The following FGF14 variants were observed in gnomAD, a reference collection of about 807,000 sequenced individuals.
FGF14 encodes the protein fibroblast growth factor homologous factor 4.
Under a neutral mutation model 25.5 loss-of-function variants are expected in FGF14, and 5 were observed. That is an observed-to-expected ratio of 0.20 (90% confidence interval 0.10 to 0.41). FGF14 has a LOEUF of 0.41. FGF14 is among the 10% of genes least tolerant of loss of function. The pLI is 1.00. For synonymous variants in FGF14, 138 were observed against 118.3 expected (o/e 1.17, Z -1.08); for missense variants, 222 against 320.1 (o/e 0.69, Z 2.34).
In FGF14 at chr13:101,714,610, C is replaced by T; in HGVS notation, c.*8221G>A. The T allele has an allele frequency of 2.0e-6, 2 of 1,014,300 alleles. No individual in the cohort carries two copies. The highest frequency in any genetic ancestry group is 3.2e-6 in the Non-Finnish European group (2 of 634,180). The allele number at this position is 1,014,300 out of a possible 1,614,324, so 62.8% of individuals were successfully genotyped here. A position where few individuals can be genotyped will look rare whatever the true frequency, so the allele number is the denominator to read the frequency against. ...CACAGTTTGTTATAGAGCCAAGAGACACTCGTCATGCAATGCTTTAGGTGG... is the reference window on the plus strand; with the variant it reads ...CACAGTTTGTTATAGAGCCAAGAGATACTCGTCATGCAATGCTTTAGGTGG... On this transcript the variant is annotated 3_prime_UTR_variant, in exon 5 of 5. Coordinates refer to ENST00000376143, the MANE Select transcript of FGF14 (RefSeq NM_004115.4).
intron 3 of FGF14, among the ~76,000 whole-genome samples, chr13:101,732,535 A>AT (rs1356045315): frequency 1.3e-5 from 2 of 152,304 alleles, no homozygotes; most frequent in East Asian, 1.9e-4. Context: ...AATGACCCTC[A>AT]TCCTGGACTC....
At chr13:102,277,120 AT>A (rs1266580913) in intron 1 of FGF14, among the ~76,000 whole-genome samples, 1 of 152,232 alleles carries the variant, frequency 6.6e-6, no homozygotes, top group African/African-American at 2.4e-5. Context: ...AATATGGCCA[AT>A]TTTACCCACC....
chr13:101,766,694 TAA>T (rs2038420526), intron 3 of FGF14, among the ~76,000 whole-genome samples: 1 of 152,168 alleles, frequency 6.6e-6, no homozygotes, highest in Non-Finnish European at 1.5e-5. Flanking sequence ...TGTAATTAGT[TAA>T]GTTTACTTTA....
At chr13:102,263,182 C>T (rs1413586464) in intron 1 of FGF14, 1 of 561,548 alleles carries the variant, frequency 1.8e-6, no homozygotes, top group Non-Finnish European at 3.5e-6. Context: ...GTCTTTTAAC[C>T]CTAAAAGTCT....
At chr13:102,329,173 T>C (rs1318924483) in intron 1 of FGF14, among the ~76,000 whole-genome samples, 3 of 152,180 alleles carry the variant, frequency 2.0e-5, no homozygotes, top group Non-Finnish European at 1.5e-5. Flanking sequence ...TCAAAGCTCA[T>C]GGCTACTAGT....
At chr13:102,069,549 C>A (rs770409776) in intron 1 of FGF14, among the ~76,000 whole-genome samples, 1 of 152,024 alleles carries the variant, frequency 6.6e-6, no homozygotes, top group Non-Finnish European at 1.5e-5. Flanking sequence ...CCAGGAAGAT[C>A]TGCAGCTTCA....
At chr13:101,839,674 G>A (rs1350863540) in intron 3 of FGF14, among the ~76,000 whole-genome samples, 1 of 151,970 alleles carries the variant, frequency 6.6e-6, no homozygotes, top group Non-Finnish European at 1.5e-5. Context: ...TATTGATTAT[G>A]TCTATGGTGT....
chr13:102,150,194 GATT>G (rs2047021870), intron 1 of FGF14, among the ~76,000 whole-genome samples: 1 of 152,112 alleles, frequency 6.6e-6, no homozygotes, highest in Admixed American at 6.5e-5. Context: ...CGACCTCAGA[GATT>G]ATCAGTAAAG....
chr13:101,770,930 T>C (rs1389350993), intron 3 of FGF14, among the ~76,000 whole-genome samples: 2 of 152,010 alleles, frequency 1.3e-5, no homozygotes, highest in African/African-American at 2.4e-5. Context: ...AATGCACAGA[T>C]TTAAAACTAT....
At chr13:102,282,479 A>G (rs1203365541) in intron 1 of FGF14, among the ~76,000 whole-genome samples, 2 of 152,166 alleles carry the variant, frequency 1.3e-5, no homozygotes, top group Non-Finnish European at 2.9e-5. Flanking sequence ...TTTCTTTCCA[A>G]TGAAATATAT....
intron 1 of FGF14, among the ~76,000 whole-genome samples, chr13:102,065,870 C>G (rs2042883485): frequency 6.6e-6 from 1 of 151,802 alleles, no homozygotes; most frequent in African/African-American, 2.4e-5. Context: ...AGGAATTTAC[C>G]AAGTTATCAA....
At chr13:101,759,282 AG>A (rs1203932091) in intron 3 of FGF14, among the ~76,000 whole-genome samples, 3 of 152,080 alleles carry the variant, frequency 2.0e-5, no homozygotes, top group African/African-American at 7.2e-5. Flanking sequence ...CTGAATCTTG[AG>A]GGGGTGAGGC....
Position 101,947,878 on chromosome 13 carries a change from G to A in FGF14, c.209-72582C>T, listed in dbSNP as rs534883062. On this transcript the variant is annotated intron_variant, in intron 1 of 4. Coordinates refer to the FGF14 transcript ENST00000376131. ...TTGTTTCCAAAAATTAAAGCAATAT[G>A]TAAGAAGCAATAATAATATGTAGAA... Among the ~76,000 whole-genome samples, 15 of 152,222 alleles carry A rather than the reference G, an allele frequency of 9.9e-5. No individual in the cohort carries two copies. The South Asian group carries it at 3.1e-3, about 32-fold the overall frequency.
intron 1 of FGF14, among the ~76,000 whole-genome samples, chr13:101,971,618 C>G (rs1054749269): frequency 7.2e-5 from 11 of 152,152 alleles, no homozygotes; most frequent in Admixed American, 5.9e-4. Flanking sequence ...GTGATCCACC[C>G]TTTTCAGCCT....
chr13:101,830,689 G>A (rs1057130419), intron 3 of FGF14, among the ~76,000 whole-genome samples: 7 of 152,014 alleles, frequency 4.6e-5, no homozygotes, highest in Non-Finnish European at 7.4e-5. Context: ...ACTCCTGTTA[G>A]CATTGTAACA....
At chr13:102,181,136 TAAAG>T (rs1248290175) in intron 1 of FGF14, among the ~76,000 whole-genome samples, 1 of 152,162 alleles carries the variant, frequency 6.6e-6, no homozygotes, top group African/African-American at 2.4e-5. Context: ...AGTTTGATGA[TAAAG>T]AAAGCTAATT....
At chr13:101,910,183 T>A (rs2032762404) in intron 1 of FGF14, among the ~76,000 whole-genome samples, 1 of 152,210 alleles carries the variant, frequency 6.6e-6, no homozygotes, top group South Asian at 2.1e-4. Context: ...ACACGGCACA[T>A]GTATACATAT....
chr13:102,399,853 G>C (rs1268465165), intron 1 of FGF14, among the ~76,000 whole-genome samples: 1 of 152,142 alleles, frequency 6.6e-6, no homozygotes, highest in Admixed American at 6.5e-5. Flanking sequence ...GCCCACTGCA[G>C]CACCGAGTCC....
exon 1 of FGF14, chr13:102,401,689 A>G (rs752973637): frequency 7.5e-6 from 12 of 1,607,920 alleles, no homozygotes; most frequent in Admixed American, 1.7e-5. Context: ...AGGAAAAACG[A>G]TAATATTCCG....
Sources: gnomAD v4.1 joint callset for allele counts (sites outside exome capture counted in the v4.1 genomes callset) on GRCh38, gnomAD v4.1.1 for gene constraint, MANE v1.5 for transcripts, NCBI Gene and HGNC (gene_info 2026-07-23, HGNC 2026-07-21) for gene names.